Variants in PTPN14 observed in about 807,000 individuals in gnomAD.
PTPN14 encodes the protein protein tyrosine phosphatase non-receptor type 14, also known as tyrosine-protein phosphatase non-receptor type 14.
A neutral mutation model predicts 126.8 loss-of-function variants in PTPN14; 53 were observed. The ratio of observed to expected loss-of-function variants is 0.42; its 90% CI spans 0.34 to 0.53. PTPN14 has a LOEUF of 0.53. PTPN14 is among the 20% of genes least tolerant of loss of function. The probability of loss-of-function intolerance (pLI) is 0.08; values close to 1 mark genes in which losing one functional copy is unlikely to be tolerated. For missense variants in PTPN14, 1,257 were observed against 1,552.9 expected, an observed-to-expected ratio of 0.81 and a Z score of 3.20; for synonymous variants, 630 against 599.3, an observed-to-expected ratio of 1.05 and a Z score of -0.75.
At chr1:214,390,238 G>A (rs1017621742) in intron 11 of PTPN14, among the ~76,000 whole-genome samples, 1 of 152,182 alleles carries the variant, frequency 6.6e-6, no homozygotes, top group Non-Finnish European at 1.5e-5. Context: ...AAAACAAGTG[G>A]AAAACATTAA....
chr1:214,421,516 T>G (rs1659543700), intron 3 of PTPN14, among the ~76,000 whole-genome samples: 1 of 152,034 alleles, frequency 6.6e-6, no homozygotes, highest in South Asian at 2.1e-4. Context: ...AAATGATGGA[T>G]TTACTCAGCA....
At chr1:214,360,692 C>T (rs1657935196) in intron 18 of PTPN14, among the ~76,000 whole-genome samples, 1 of 152,214 alleles carries the variant, frequency 6.6e-6, no homozygotes, top group Non-Finnish European at 1.5e-5. Context: ...AGTAAGGCTT[C>T]ATCTGCTGAA....
At chr1:214,548,709 T>C (rs1399267735) in intron 1 of PTPN14, among the ~76,000 whole-genome samples, 1 of 152,156 alleles carries the variant, frequency 6.6e-6, no homozygotes, top group Non-Finnish European at 1.5e-5. Context: ...AATTTAAACC[T>C]CTAATAAGGA....
chr1:214,378,479 T>C (rs1279408988), intron 13 of PTPN14, among the ~76,000 whole-genome samples: 3 of 152,192 alleles, frequency 2.0e-5, no homozygotes, highest in Non-Finnish European at 4.4e-5. Flanking sequence ...ATATGAACCA[T>C]CTAATCCAAT....
At chr1:214,406,182 C>T (rs925225170) in intron 5 of PTPN14, among the ~76,000 whole-genome samples, 1 of 152,088 alleles carries the variant, frequency 6.6e-6, no homozygotes, top group African/African-American at 2.4e-5. Flanking sequence ...CTATGGTGCA[C>T]TAAAAATGTA....
At chr1:214,359,234 G>A (rs1398945674) in intron 18 of PTPN14, among the ~76,000 whole-genome samples, 1 of 145,290 alleles carries the variant, frequency 6.9e-6, no homozygotes, top group South Asian at 2.2e-4. Flanking sequence ...TTTTTTTTGA[G>A]ACGGAGTCTC....
At chr1:214,429,722 C>T (rs116595525) in intron 3 of PTPN14, among the ~76,000 whole-genome samples, 2,093 of 152,128 alleles carry the variant, frequency 0.014, 40 homozygotes, top group African/African-American at 0.047. Context: ...GCTGTCCAAG[C>T]CAACTAGAAT....
At chr1:214,372,685 G>T (rs747141733) in intron 16 of PTPN14, 26 bp downstream of exon 16, 2 of 1,613,684 alleles carry the variant, frequency 1.2e-6, no homozygotes, top group Non-Finnish European at 1.7e-6. Flanking sequence ...GGGGAAAAAG[G>T]ATGTGGAGTA....
intron 15 of PTPN14, among the ~76,000 whole-genome samples, chr1:214,375,009 GTTTA>G (rs1421981461): frequency 6.6e-6 from 1 of 152,168 alleles, no homozygotes; most frequent in Non-Finnish European, 1.5e-5. Flanking sequence ...ACCACTGACA[GTTTA>G]TTTAAGAGTT....
chr1:214,510,030 A>G (rs1189657915), intron 1 of PTPN14, among the ~76,000 whole-genome samples: 3 of 152,140 alleles, frequency 2.0e-5, no homozygotes, highest in Non-Finnish European at 4.4e-5. Context: ...CTCCCTCACT[A>G]AATTTAATCA....
At chr1:214,405,828 T>A (rs1243000600) in intron 5 of PTPN14, among the ~76,000 whole-genome samples, 2 of 152,180 alleles carry the variant, frequency 1.3e-5, no homozygotes, top group African/African-American at 2.4e-5. Flanking sequence ...TACAACGAAA[T>A]TAGGCTTGTT....
intron 3 of PTPN14, among the ~76,000 whole-genome samples, chr1:214,439,603 TGA>T (rs1359894326): frequency 2.6e-5 from 4 of 152,332 alleles, no homozygotes; most frequent in African/African-American, 7.2e-5. Flanking sequence ...GAGCTGACCT[TGA>T]GAGTTAGGAG....
intron 1 of PTPN14, among the ~76,000 whole-genome samples, chr1:214,466,984 G>A (rs1047879436): frequency 4.6e-5 from 7 of 152,144 alleles, no homozygotes; most frequent in South Asian, 2.1e-4. Flanking sequence ...GATACTTGCC[G>A]TGGGCACATT....
intron 1 of PTPN14, among the ~76,000 whole-genome samples, chr1:214,505,455 G>A (rs971474456): frequency 1.3e-5 from 2 of 152,182 alleles, no homozygotes; most frequent in African/African-American, 2.4e-5. Flanking sequence ...TCCCTTCGGG[G>A]GGGTGGGGTG....
intron 2 of PTPN14, among the ~76,000 whole-genome samples, chr1:214,456,488 T>G (rs1435515023): frequency 6.6e-6 from 1 of 152,226 alleles, no homozygotes; most frequent in African/African-American, 2.4e-5. Flanking sequence ...AGAACTTGTG[T>G]GTAATCAACC....
chr1:214,360,165 A>T (rs1292564244), intron 18 of PTPN14, among the ~76,000 whole-genome samples: 1 of 152,186 alleles, frequency 6.6e-6, no homozygotes, highest in Non-Finnish European at 1.5e-5. Flanking sequence ...AAAATAATAA[A>T]AACTCAGCTG....
In PTPN14 at chr1:214,384,928, T is replaced by C; in HGVS notation, c.1067-140A>G. 1.2e-5 allele frequency: 12 copies of C among 976,170 alleles called. No homozygotes were observed. Among genetic ancestry groups the C allele is most frequent in the Admixed American group, 2.6e-5 (1 of 38,760 alleles). 60.5% of individuals were successfully genotyped at this position (976,170 alleles called of 1,614,324 possible). On this transcript the variant is annotated intron_variant, in intron 12 of 18. Coordinates refer to ENST00000366956, the MANE Select transcript of PTPN14 (RefSeq NM_005401.5). The surrounding 1 kb of genome is among the most constrained non-coding windows in gnomAD (Gnocchi z 5.3). ...CCATGGTCTCCACCCACATGTTCTA[T>C]AGAATAACAGATACTATCTTGGATG...
intron 13 of PTPN14, among the ~76,000 whole-genome samples, chr1:214,381,924 A>C (rs1315650537): frequency 2.6e-5 from 4 of 152,140 alleles, no homozygotes; most frequent in South Asian, 2.1e-4. Flanking sequence ...TGTTTTTCTG[A>C]GACGGGGTCT....
In PTPN14 at chr1:214,397,999, G is replaced by A. The variant is rs774670253; in HGVS notation, c.672C>T (p.Asp224=). ...GFGQEIFPVK[D]NHGNCVHLGI... is the part of the protein sequence containing the mutation. The stretch of plus-strand genomic sequence containing the variant: ...CAAGGTGTACACAGTTTCCATGATT[G>A]TCCTGGGTAAGACCAACAAAAGATA... The change falls in exon 8 of 19, where the codon GAC becomes GAT. Residue 224 remains aspartate, a splice_region_variant and synonymous_variant. Transcript: ENST00000366956. 2 of 1,608,392 alleles carry A rather than the reference G, an allele frequency of 1.2e-6. No homozygotes were observed. Among genetic ancestry groups the A allele is most frequent in the South Asian group, 2.2e-5 (2 of 90,826 alleles).
Sources: allele counts gnomAD v4.1 joint callset (sites outside exome capture counted in the v4.1 genomes callset), GRCh38; gene constraint gnomAD v4.1.1; non-coding constraint Gnocchi (gnomAD v3.1); transcripts MANE v1.5; gene names NCBI Gene and HGNC (gene_info 2026-07-23, HGNC 2026-07-21).